Variants in ANKRD60 observed in about 807,000 individuals in gnomAD.
ANKRD60 encodes ankyrin repeat domain 60.
A neutral mutation model predicts 21.3 loss-of-function variants in ANKRD60; 24 were observed. The ratio of observed to expected loss-of-function variants is 1.13; its 90% CI spans 0.82 to 1.59. ANKRD60 has a LOEUF of 1.59. Among genes scored for constraint, ANKRD60 ranks in the 40% most tolerant of loss-of-function variants. The probability of loss-of-function intolerance (pLI) is 0.00; values close to 1 mark genes in which losing one functional copy is unlikely to be tolerated. For missense variants in ANKRD60, 490 were observed against 466.7 expected (o/e 1.05, Z -0.46); for synonymous variants, 182 against 199.4 (o/e 0.91, Z 0.74).
chr20:58,221,969 C>T (rs567681188), intron 2 of ANKRD60, among the ~76,000 whole-genome samples: 5 of 152,244 alleles, frequency 3.3e-5, no homozygotes, highest in East Asian at 3.9e-4. Context: ...GTGAACAGCC[C>T]GGTCACGTAA....
downstream of ANKRD60, chr20:58,218,454 T>C (rs1268737232): frequency 4.6e-6 from 7 of 1,522,044 alleles, no homozygotes; most frequent in Non-Finnish European, 6.2e-6. Flanking sequence ...TCTGCAAAGT[T>C]GCCCAAACCA....
intron 3 of ANKRD60, among the ~76,000 whole-genome samples, chr20:58,220,231 C>G (rs1984218827): frequency 2.0e-5 from 3 of 152,196 alleles, no homozygotes; most frequent in Admixed American, 2.0e-4. Flanking sequence ...AACATGTTCT[C>G]CCTTTTTCCA....
chr20:58,225,525 C>T lies in ANKRD60; in HGVS notation c.431-2343G>A, dbSNP rs373751945. Among the ~76,000 whole-genome samples the T allele has an allele frequency of 3.0e-4, 46 of 152,268 alleles. No homozygotes were observed. The South Asian group carries it at 9.5e-3, about 32-fold the overall frequency. ...AGAGAGAAAAGGAAGGTATTTTGGC[C>T]TTCACTGTGCATTTTGAGTTTCCTG... On this transcript the variant is annotated intron_variant, in intron 1 of 3. Transcript: ENST00000457363.
intron 2 of ANKRD60, 114 bp downstream of exon 2, chr20:58,222,938 T>C (rs1027015904): frequency 1.1e-5 from 14 of 1,281,762 alleles, no homozygotes; most frequent in Non-Finnish European, 1.3e-5. Context: ...CATCGTTCTC[T>C]CTTCCCTGCT....
chr20:58,219,658 A>C (rs1191866221), intron 3 of ANKRD60, among the ~76,000 whole-genome samples: 1 of 152,230 alleles, frequency 6.6e-6, no homozygotes, highest in African/African-American at 2.4e-5. Flanking sequence ...AAGGCAATTC[A>C]ATTAAATTCA....
In ANKRD60 at chr20:58,228,645, G is replaced by A; in HGVS notation, c.9C>T (p.Arg3=). ...CCCGCCGCATCCCCCAGGCGCGGCC[G>A]CGCGTCATCCGCGGCTCGAGTGCGG... The change falls in exon 1 of 4, where the codon CGC becomes CGT. Residue 3 remains arginine (R), a synonymous_variant. Transcript: ENST00000457363. This position sits in a 1 kb window ranked among gnomAD's most constrained non-coding sequence, Gnocchi z 5.3. The A allele has an allele frequency of 1.0e-6, 1 of 978,202 alleles. No individual in the cohort carries two copies. The highest frequency in any genetic ancestry group is 1.2e-6 in the Non-Finnish European group (1 of 820,464). The allele number at this position is 978,202 out of a possible 1,614,324, so 60.6% of individuals were successfully genotyped here. A position where few individuals can be genotyped will look rare whatever the true frequency, so the allele number is the denominator to read the frequency against.
downstream of ANKRD60, among the ~76,000 whole-genome samples, chr20:58,217,290 A>G (rs1190261874): frequency 1.3e-5 from 2 of 152,100 alleles, no homozygotes; most frequent in Non-Finnish European, 2.9e-5. Context: ...TTAGCCAGGC[A>G]TGGTGGCAGG....
At chr20:58,223,117 A>G in exon 2 of ANKRD60, 1 of 1,551,852 alleles carries the variant, frequency 6.4e-7, no homozygotes, top group Non-Finnish European at 8.7e-7. Flanking sequence ...TGCCAGATAC[A>G]TAATGAAATA....
chr20:58,228,393 G>T lies in ANKRD60; in HGVS notation c.261C>A (p.Pro87=). 6.5e-7 allele frequency: 1 copy of T among 1,547,100 alleles called. No individual in the cohort carries two copies. The highest frequency in any genetic ancestry group is 8.7e-7 in the Non-Finnish European group (1 of 1,146,690). ...GGACGAAGACGTCAGGGGCCAAGTC[G>T]GGCAAGGCACTCGCGGCCTTCGGGT... The change falls in exon 1 of 4, where the codon CCC becomes CCA. Residue 87 remains proline, a synonymous_variant. Transcript: ENST00000457363. This position sits in a 1 kb window ranked among gnomAD's most constrained non-coding sequence, Gnocchi z 5.3.
At chr20:58,218,847 G>C in intron 3 of ANKRD60, 42 bp from the exon 4 acceptor site, 1 of 1,486,658 alleles carries the variant, frequency 6.7e-7, no homozygotes, top group South Asian at 1.4e-5. Context: ...ACATGCGGAG[G>C]GGGAACACAG....
intron 1 of ANKRD60, among the ~76,000 whole-genome samples, chr20:58,225,427 A>G (rs2122812195): frequency 6.6e-6 from 1 of 152,348 alleles, no homozygotes; most frequent in African/African-American, 2.4e-5. Context: ...AGCCTCAAAA[A>G]TGCTCGAGAG....
In ANKRD60 at chr20:58,228,544, C is replaced by G; in HGVS notation, c.110G>C (p.Arg37Pro). 1.5e-6 allele frequency: 2 copies of G among 1,321,064 alleles called. No individual in the cohort carries two copies. Among genetic ancestry groups the G allele is most frequent in the Admixed American group, 7.2e-5 (2 of 27,796 alleles). 81.8% of individuals were successfully genotyped at this position (1,321,064 alleles called of 1,614,324 possible). A position where few individuals can be genotyped will look rare whatever the true frequency, so the allele number is the denominator to read the frequency against. ...AGCCCCGGCCCGCGCACCGCTCCTGCGTCCCGCATTGGGGTGCAGGCGAGA... is the reference window on the plus strand; with the variant it reads ...AGCCCCGGCCCGCGCACCGCTCCTGGGTCCCGCATTGGGGTGCAGGCGAGA... The change falls in exon 1 of 4, where the codon CGC becomes CCC. Residue 37 changes from arginine (R) to proline (P), a missense_variant. Coordinates refer to ENST00000457363, the Ensembl canonical transcript of ANKRD60. This position sits in a 1 kb window ranked among gnomAD's most constrained non-coding sequence, Gnocchi z 5.3.
At chr20:58,218,325 T>C (rs1364811599), downstream of ANKRD60, among the ~76,000 whole-genome samples, 1 of 152,156 alleles carries the variant, frequency 6.6e-6, no homozygotes, top group Non-Finnish European at 1.5e-5. Context: ...GCTTACCTAC[T>C]GCCATCAACA....
At chr20:58,220,981 G>T (rs530203964) in intron 3 of ANKRD60, among the ~76,000 whole-genome samples, 27 of 152,258 alleles carry the variant, frequency 1.8e-4, no homozygotes, top group African/African-American at 6.3e-4. Flanking sequence ...TTCATGCGAG[G>T]CTGGAAATCA....
chr20:58,216,180 T>C (rs1363030542), downstream of ANKRD60, among the ~76,000 whole-genome samples: 3 of 152,200 alleles, frequency 2.0e-5, no homozygotes, highest in East Asian at 5.8e-4. Context: ...ACTTGTTGAA[T>C]ATAAATAGAA....
intron 1 of ANKRD60, among the ~76,000 whole-genome samples, chr20:58,225,047 T>C (rs1328418776): frequency 6.6e-6 from 1 of 152,216 alleles, no homozygotes; most frequent in Non-Finnish European, 1.5e-5. Flanking sequence ...TTATAGGCAG[T>C]AGCCCAAATT....
Position 58,223,043 on chromosome 20 carries a change from TG to T in ANKRD60, c.561+8del. Reference sequence around the variant, plus strand: ...CGTATAATATCCATTTAAAGAAGCTTGAAAACACCTTGCTGGGATCCCCTTC... The same window carrying T: ...CGTATAATATCCATTTAAAGAAGCTTAAAACACCTTGCTGGGATCCCCTTC... On this transcript the variant is annotated splice_region_variant and intron_variant, in intron 2 of 3. Transcript: ENST00000457363. 6.5e-7 allele frequency: 1 copy of T among 1,543,238 alleles called. No homozygotes were observed. The highest frequency in any genetic ancestry group is 1.2e-5 in the South Asian group (1 of 82,874).
Position 58,224,288 on chromosome 20 carries a change from G to A in ANKRD60, c.431-1106C>T, listed in dbSNP as rs6092628. ...GCCACCAACATCGAGTCTCAGCTCCGCCCAGGTGACACAGTCTAGAGTCCA... is the reference window on the plus strand; with the variant it reads ...GCCACCAACATCGAGTCTCAGCTCCACCCAGGTGACACAGTCTAGAGTCCA... On this transcript the variant is annotated intron_variant, in intron 1 of 3. Transcript: ENST00000457363. Among the ~76,000 whole-genome samples, 442 of 152,238 alleles carry A rather than the reference G, an allele frequency of 2.9e-3. 3 individuals carry two copies. The highest frequency in any genetic ancestry group is 0.01 in the African/African-American group (422 of 41,544).
At chr20:58,219,463 T>C (rs942051548) in intron 3 of ANKRD60, among the ~76,000 whole-genome samples, 12 of 152,150 alleles carry the variant, frequency 7.9e-5, no homozygotes, top group Non-Finnish European at 1.6e-4. Context: ...CCCGAGCACA[T>C]AGCTCAGTGC....
Sources: gnomAD v4.1 joint callset for allele counts (sites outside exome capture counted in the v4.1 genomes callset) on GRCh38, gnomAD v4.1.1 for gene constraint, Gnocchi (gnomAD v3.1) non-coding constraint, MANE v1.5 for transcripts, NCBI Gene and HGNC (gene_info 2026-07-23, HGNC 2026-07-21) for gene names.